The following DOP1B variants were observed in gnomAD, a reference collection of about 807,000 sequenced individuals.
DOP1B encodes protein DOP1B.
A neutral mutation model predicts 233.5 loss-of-function variants in DOP1B; 174 were observed. That is an observed-to-expected ratio of 0.75 (90% CI 0.66 to 0.85). The LOEUF is 0.85. DOP1B is among the 40% of genes least tolerant of loss of function. DOP1B has a pLI of 0.00. For synonymous variants in DOP1B, 1,190 were observed against 1,185.6 expected, an observed-to-expected ratio of 1.00 and a Z score of -0.08; for missense variants, 2,652 against 2,846.6, an observed-to-expected ratio of 0.93 and a Z score of 1.56.
At position 36,223,170 on chromosome 21, in the gene DOP1B, C is replaced by A. The variant is rs557375780; in HGVS notation, c.1251-61C>A. Reference sequence around the variant, plus strand: ...GTGAAATCAATTACAGTTTTTTGGACACTTTTTGTAATTCAGGATTTTTTT... The same window carrying A: ...GTGAAATCAATTACAGTTTTTTGGAAACTTTTTGTAATTCAGGATTTTTTT... On this transcript the variant is annotated intron_variant, in intron 10 of 36. Coordinates refer to ENST00000691173, the MANE Select transcript of DOP1B (RefSeq NM_001320714.2). 1.2e-5 allele frequency: 18 copies of A among 1,512,612 alleles called. No homozygotes were observed. The African/African-American group carries it at 1.9e-4, about 16-fold the overall frequency. The allele number at this position is 1,512,612 out of a possible 1,614,324, so 93.7% of individuals were successfully genotyped here.
At chr21:36,257,639 TAGA>T (rs1232790200) in intron 23 of DOP1B, among the ~76,000 whole-genome samples, 124 of 139,558 alleles carry the variant, frequency 8.9e-4, no homozygotes, top group African/African-American at 3.1e-3. Flanking sequence ...GATAGATAGA[TAGA>T]AGTAGTTAGG....
intron 28 of DOP1B, among the ~76,000 whole-genome samples, chr21:36,277,516 C>T (rs1411423304): frequency 6.6e-6 from 1 of 152,046 alleles, no homozygotes; most frequent in Non-Finnish European, 1.5e-5. Flanking sequence ...CTCCTGACCT[C>T]GTGATCCACC....
intron 27 of DOP1B, among the ~76,000 whole-genome samples, chr21:36,271,910 G>C (rs377601220): frequency 1.4e-5 from 2 of 146,088 alleles, no homozygotes; most frequent in Admixed American, 6.8e-5. Flanking sequence ...AGGTGGGCGG[G>C]TCGCCTGAGG....
intron 5 of DOP1B, among the ~76,000 whole-genome samples, chr21:36,209,375 C>T (rs1309729878): frequency 1.3e-5 from 2 of 152,194 alleles, no homozygotes; most frequent in Non-Finnish European, 2.9e-5. Flanking sequence ...CCACCCACCG[C>T]GGCCTCCCAA....
intron 2 of DOP1B, among the ~76,000 whole-genome samples, chr21:36,179,238 G>A (rs1601386328): frequency 2.6e-5 from 4 of 152,178 alleles, no homozygotes; most frequent in Admixed American, 6.5e-5. Flanking sequence ...GTTGCTTCCA[G>A]TAGGTATATG....
chr21:36,281,546 G>A lies in DOP1B; in HGVS notation c.6095G>A (p.Arg2032His), dbSNP rs371276979. 34 of 1,609,688 alleles carry A rather than the reference G, an allele frequency of 2.1e-5. No individual in the cohort carries two copies. The highest frequency in any genetic ancestry group is 1.7e-4 in the Middle Eastern group (1 of 6,060). ...GAACAGAAAGCCATGCTGTTAAAGC[G>A]CCAGGCTTTTGCTGTCTTCAGTGGA... ...SFEQKAMLLKRQAFAVFSGEL... is the reference protein window; with the variant it reads ...SFEQKAMLLKHQAFAVFSGEL... The change falls in exon 32 of 37, where the codon CGC becomes CAC. Residue 2032 changes from arginine to histidine, a missense_variant. This residue lies in a region of DOP1B where 2,617 missense variants were observed against 2,794.3 expected (regional missense o/e 0.94). Transcript: ENST00000691173.
chr21:36,238,366 T>C (rs942215102), intron 16 of DOP1B, among the ~76,000 whole-genome samples: 2 of 152,210 alleles, frequency 1.3e-5, no homozygotes, highest in Non-Finnish European at 2.9e-5. Flanking sequence ...CCCTGGACTC[T>C]AATACTGAGT....
At chr21:36,261,517 G>A (rs1398114050) in intron 24 of DOP1B, 17 of 985,334 alleles carry the variant, frequency 1.7e-5, no homozygotes, top group East Asian at 1.1e-4. Context: ...AGGGGATTCC[G>A]CAGGTTTTTC....
intron 27 of DOP1B, among the ~76,000 whole-genome samples, chr21:36,271,799 G>T (rs947218820): frequency 6.6e-6 from 1 of 150,750 alleles, no homozygotes; most frequent in African/African-American, 2.5e-5. Context: ...AAGATGATGA[G>T]AATGTGTGTG....
intron 7 of DOP1B, among the ~76,000 whole-genome samples, chr21:36,213,139 G>A (rs2250733): frequency 1.3e-5 from 2 of 152,150 alleles, no homozygotes; most frequent in Non-Finnish European, 2.9e-5. Context: ...CCTTCCTGCT[G>A]TTCTCCCTAG....
At chr21:36,171,495 C>T (rs2242811) in intron 2 of DOP1B, among the ~76,000 whole-genome samples, 1 of 152,028 alleles carries the variant, frequency 6.6e-6, no homozygotes, top group East Asian at 1.9e-4. Context: ...TAGGGGGTGG[C>T]CCTAATCCAG....
intron 2 of DOP1B, among the ~76,000 whole-genome samples, chr21:36,182,940 A>G (rs892313800): frequency 3.3e-5 from 5 of 152,192 alleles, no homozygotes; most frequent in Non-Finnish European, 5.9e-5. Flanking sequence ...GAGCTCCTTT[A>G]GCCCTGGTTT....
chr21:36,165,873 C>T (rs1442071914), intron 2 of DOP1B, among the ~76,000 whole-genome samples: 2 of 151,756 alleles, frequency 1.3e-5, no homozygotes, highest in East Asian at 4.0e-4. Flanking sequence ...CGTGCCACCA[C>T]ACCTGGCTAA....
At position 36,247,514 on chromosome 21, in the gene DOP1B, C is replaced by T. The variant is rs780696664; in HGVS notation, c.4698-3C>T. ...AAACCAGTTTCTCTTTTCTTCACCA[C>T]AGCACAACCTCCAAGAGGGAAAACA... On this transcript the variant is annotated splice_region_variant and splice_polypyrimidine_tract_variant and intron_variant, in intron 19 of 36. Transcript: ENST00000691173. 10 of 1,590,926 alleles carry T rather than the reference C, an allele frequency of 6.3e-6. No homozygotes were observed. The highest frequency in any genetic ancestry group is 1.7e-4 in the Middle Eastern group (1 of 5,964).
rs760114359 is a variant in DOP1B, at chr21:36,219,311, T to TC, written c.1130-60dup. 24 of 1,604,930 alleles carry TC rather than the reference T, an allele frequency of 1.5e-5. 1 individual carries two copies. The East Asian group carries it at 1.8e-4, about 12-fold the overall frequency. ...TATATGTCTTATGTATATACATATG[T>TC]CACTTACTGATTTAAAGGGGATTGT... On this transcript the variant is annotated intron_variant, in intron 9 of 36. Transcript: ENST00000691173.
intron 21 of DOP1B, among the ~76,000 whole-genome samples, chr21:36,249,142 T>C (rs1429168423): frequency 1.3e-5 from 2 of 151,044 alleles, no homozygotes. Context: ...ATAAAGTCTC[T>C]AGAGCTAGGC....
At chr21:36,267,078 C>A (rs764896164) in intron 26 of DOP1B, among the ~76,000 whole-genome samples, 2 of 152,184 alleles carry the variant, frequency 1.3e-5, no homozygotes, top group Non-Finnish European at 2.9e-5. Flanking sequence ...CCGTGTGGCA[C>A]AGTTGAGGTC....
At chr21:36,196,940 A>AT (rs796111771) in intron 2 of DOP1B, among the ~76,000 whole-genome samples, 8,261 of 142,782 alleles carry the variant, frequency 0.058, 655 homozygotes, top group African/African-American at 0.18. Context: ...GTTATATCTG[A>AT]TTTTTTTTTT....
intron 22 of DOP1B, among the ~76,000 whole-genome samples, 169 bp from the exon 23 acceptor site, chr21:36,253,603 A>C (rs1433659875): frequency 2.0e-5 from 3 of 149,332 alleles, no homozygotes. Flanking sequence ...GCACCACTGC[A>C]CTCCAGCCTG....
Sources: allele counts gnomAD v4.1 joint callset (sites outside exome capture counted in the v4.1 genomes callset), GRCh38; gene constraint gnomAD v4.1.1; regional missense constraint gnomAD v4.1.1; transcripts MANE v1.5; gene names NCBI Gene and HGNC (gene_info 2026-07-23, HGNC 2026-07-21).